Variants in DHRS11 observed in about 807,000 individuals in gnomAD.
The protein encoded by DHRS11 is dehydrogenase/reductase SDR family member 11.
DHRS11 carries 18 observed loss-of-function variants against 30.7 expected under a neutral mutation model. The ratio of observed to expected loss-of-function variants is 0.59; its 90% confidence interval spans 0.41 to 0.87. The LOEUF is 0.87. Ranked by LOEUF, DHRS11 falls within the 40% of genes least tolerant of loss-of-function variation. The pLI is 0.00. For missense variants in DHRS11, 300 were observed against 349.0 expected, an observed-to-expected ratio of 0.86 and a Z score of 1.12; for synonymous variants, 123 against 139.6, an observed-to-expected ratio of 0.88 and a Z score of 0.84.
In DHRS11 at chr17:36,595,163, T is replaced by G. The variant is rs1419643555; in HGVS notation, c.340T>G (p.Trp114Gly). Residue 114 changes from tryptophan (W) to glycine (G), a missense_variant, in exon 2 of 7, where the codon TGG (tryptophan) becomes GGG (glycine). Trp to Gly is a radical substitution (Grantham distance 184, BLOSUM62 -2). Transcript: ENST00000618403. ...CCTGCTCTCAGGCAGCACCAGTGGT[T>G]GGAAGGACATGTTCAATGTAAGAGC... ...DTLLSGSTSGWKDMFNVNVLA... is the reference protein window; with the variant it reads ...DTLLSGSTSGGKDMFNVNVLA... 6.2e-7 allele frequency: 1 copy of G among 1,613,620 alleles called. No individual in the cohort carries two copies. The highest frequency in any genetic ancestry group is 2.2e-5 in the East Asian group (1 of 44,878).
intron 3 of DHRS11, chr17:36,598,476 G>A: frequency 1.7e-6 from 1 of 585,292 alleles, no homozygotes; most frequent in Non-Finnish European, 3.0e-6. Flanking sequence ...GCTGAAGCCT[G>A]GGGCCTCTCC....
rs974353258 is a variant in DHRS11 at position 36,591,921 on chromosome 17, C to T, written c.-89C>T. ...AGGCGCGGATCGGACCCAAGCAGGTCGGCGGCGGCGGCAGGAGAGCGGCCG... is the reference window on the plus strand; with the variant it reads ...AGGCGCGGATCGGACCCAAGCAGGTTGGCGGCGGCGGCAGGAGAGCGGCCG... On this transcript the variant is annotated 5_prime_UTR_variant, in exon 1 of 7. Transcript: ENST00000618403. 2.7e-5 allele frequency: 32 copies of T among 1,185,208 alleles called. No individual in the cohort carries two copies. The highest frequency in any genetic ancestry group is 6.7e-5 in the East Asian group (2 of 29,808). The allele number at this position is 1,185,208 out of a possible 1,614,324, so 73.4% of individuals were successfully genotyped here.
At chr17:36,595,466 C>CT (rs1185518462) in intron 2 of DHRS11, among the ~76,000 whole-genome samples, 1 of 119,834 alleles carries the variant, frequency 8.3e-6, no homozygotes, top group African/African-American at 3.3e-5. Flanking sequence ...GTCACCCAGG[C>CT]TGGAGTGCAG....
At chr17:36,594,011 A>G (rs1273697869) in intron 1 of DHRS11, among the ~76,000 whole-genome samples, 3 of 152,174 alleles carry the variant, frequency 2.0e-5, no homozygotes, top group East Asian at 1.9e-4. Context: ...GGGGTGTTCA[A>G]TGGCACCTGC....
Position 36,597,582 on chromosome 17 carries a change from G to A in DHRS11, c.358-581G>A, listed in dbSNP as rs568786798. The A allele has an allele frequency of 3.1e-3, 487 of 159,426 alleles. 6 individuals carry two copies. Among genetic ancestry groups the A allele is most frequent in the African/African-American group, 0.011 (461 of 41,612 alleles). 9.9% of individuals were successfully genotyped at this position (159,426 alleles called of 1,614,324 possible). On this transcript the variant is annotated intron_variant, in intron 2 of 6. Transcript: ENST00000618403. ...TCTTGTAGATGGAACCCACGTTAAA[G>A]GAAGGCATAGAAAGGAGGGTCAGGC...
intron 4 of DHRS11, 188 bp downstream of exon 4, chr17:36,599,238 C>A: frequency 1.0e-6 from 1 of 952,766 alleles, no homozygotes; most frequent in Non-Finnish European, 1.5e-6. Flanking sequence ...TTTCACTGAT[C>A]CAGGAGCCAA....
At position 36,600,147 on chromosome 17, in the gene DHRS11, T is replaced by G. The variant is rs751959951; in HGVS notation, c.742-15T>G. On this transcript the variant is annotated splice_polypyrimidine_tract_variant and intron_variant, in intron 6 of 6. Transcript: ENST00000618403. ...GAGAGTGTCACAGCTGCCTCATGCCTTGTACCTTCCACAGATTGGAGACAT... is the reference window on the plus strand; with the variant it reads ...GAGAGTGTCACAGCTGCCTCATGCCGTGTACCTTCCACAGATTGGAGACAT... The G allele has an allele frequency of 6.3e-7, 1 of 1,597,896 alleles. No individual in the cohort carries two copies. Among genetic ancestry groups the G allele is most frequent in the Non-Finnish European group, 8.6e-7 (1 of 1,169,490 alleles).
intron 2 of DHRS11, 177 bp from the exon 3 acceptor site, chr17:36,597,986 G>A: frequency 3.0e-6 from 2 of 661,684 alleles, no homozygotes; most frequent in South Asian, 3.3e-5. Flanking sequence ...CGGCTTTAGG[G>A]AGAGGGGCAT....
chr17:36,598,632 C>A, intron 3 of DHRS11: 1 of 512,612 alleles, frequency 2.0e-6, no homozygotes, highest in Non-Finnish European at 3.5e-6. Flanking sequence ...CCAATAGAAC[C>A]GTATCAGTGA....
At chr17:36,600,082 G>C (rs773005513) in intron 6 of DHRS11, 45 bp downstream of exon 6, 10 of 1,613,484 alleles carry the variant, frequency 6.2e-6, no homozygotes, top group South Asian at 1.1e-5. Context: ...AACCCAACCA[G>C]CCCCAGAGGA....
chr17:36,600,127 T>G, intron 6 of DHRS11, 35 bp from the exon 7 acceptor site: 1 of 1,612,448 alleles, frequency 6.2e-7, no homozygotes, highest in Non-Finnish European at 8.5e-7. Context: ...CAGGGGAGAG[T>G]GTCACAGCTG....
In DHRS11 at chr17:36,600,221, C is replaced by T. The variant is rs1181826123; in HGVS notation, c.*18C>T. ...TGACCTAGTGACTGTGGGAGCTCCT[C>T]CTTCCCTCCCCACCCTTCATGGCTT... is the stretch of plus-strand genomic sequence containing the variant. On this transcript the variant is annotated 3_prime_UTR_variant, in exon 7 of 7. Transcript: ENST00000618403. The T allele has an allele frequency of 6.2e-7, 1 of 1,614,166 alleles. No homozygotes were observed. Among genetic ancestry groups the T allele is most frequent in the East Asian group, 2.2e-5 (1 of 44,888 alleles).
At chr17:36,598,334 A>T in intron 3 of DHRS11, 77 bp downstream of exon 3, 1 of 1,338,600 alleles carries the variant, frequency 7.5e-7, no homozygotes, top group Non-Finnish European at 1.1e-6. Flanking sequence ...ACCTCTTTGG[A>T]CCTCAGTTTC....
At chr17:36,598,446 C>A in intron 3 of DHRS11, 189 bp downstream of exon 3, 1 of 620,464 alleles carries the variant, frequency 1.6e-6, no homozygotes, top group Non-Finnish European at 2.8e-6. Context: ...GAATGGGCAG[C>A]TTAGCCCCTT....
chr17:36,595,038 C>G lies in DHRS11; in HGVS notation c.215C>G (p.Ser72Ter). Residue 72 changes from serine (S) to a stop codon, truncating the protein, a stop_gained, in exon 2 of 7, where the codon TCA (serine) becomes TGA (stop). Coordinates refer to ENST00000618403, the MANE Select transcript of DHRS11 (RefSeq NM_024308.4). LOFTEE classifies it high-confidence loss of function. The part of the protein sequence containing the change: ...GTLIPYRCDL[S>*]NEEDILSMFS... ...TTGATCCCCTACAGATGTGACCTAT[C>G]AAATGAAGAGGACATCCTCTCCATG... 1 of 1,614,212 alleles carries G rather than the reference C, an allele frequency of 6.2e-7. No homozygotes were observed. Among genetic ancestry groups the G allele is most frequent in the Non-Finnish European group, 8.5e-7 (1 of 1,180,040 alleles).
chr17:36,595,684 A>G (rs896793513), intron 2 of DHRS11, among the ~76,000 whole-genome samples: 4 of 151,942 alleles, frequency 2.6e-5, no homozygotes, highest in African/African-American at 4.8e-5. Context: ...TGGCCTCCCA[A>G]CGTGCTGGGA....
rs548203153 is a variant in DHRS11 at position 36,594,508 on chromosome 17, C to T, written c.148-463C>T. 4 of 200,744 alleles carry T rather than the reference C, an allele frequency of 2.0e-5. No individual in the cohort carries two copies. The South Asian group carries it at 3.9e-4, about 20-fold the overall frequency. 12.4% of individuals were successfully genotyped at this position (200,744 alleles called of 1,614,324 possible). On this transcript the variant is annotated intron_variant, in intron 1 of 6. Coordinates refer to ENST00000618403, the MANE Select transcript of DHRS11 (RefSeq NM_024308.4). ...GAGTGCAGTGGCGTGATCTCAGCTCCTGCAACCTCCGCCTCCTGGGTTCAA... is the reference window on the plus strand; with the variant it reads ...GAGTGCAGTGGCGTGATCTCAGCTCTTGCAACCTCCGCCTCCTGGGTTCAA...
chr17:36,598,897 T>G (rs2074832674), intron 3 of DHRS11, 24 bp from the exon 4 acceptor site: 3 of 1,602,502 alleles, frequency 1.9e-6, no homozygotes, highest in Non-Finnish European at 1.7e-6. Context: ...TTCTCTCCTC[T>G]TTCCCCTTCC....
intron 5 of DHRS11, 79 bp downstream of exon 5, chr17:36,599,842 C>G: frequency 1.9e-6 from 3 of 1,593,248 alleles, no homozygotes; most frequent in Non-Finnish European, 2.6e-6. Flanking sequence ...TCAGACTCCA[C>G]TCTTCCAGCC....
Sources: allele counts gnomAD v4.1 joint callset (sites outside exome capture counted in the v4.1 genomes callset), GRCh38; gene constraint gnomAD v4.1.1; transcripts MANE v1.5; gene names NCBI Gene and HGNC (gene_info 2026-07-23, HGNC 2026-07-21).